Variants in LPXN observed in about 807,000 individuals in gnomAD.
LPXN encodes leupaxin.
LPXN carries 28 observed loss-of-function variants against 45.6 expected under a neutral mutation model. That is an observed-to-expected ratio of 0.61 (90% CI 0.45 to 0.84). The LOEUF (loss-of-function observed/expected upper bound fraction) is 0.84. LPXN is among the 40% of genes least tolerant of loss of function. The pLI is 0.00. For synonymous variants in LPXN, 166 were observed against 169.9 expected (o/e 0.98, Z 0.18); for missense variants, 459 against 475.0 (o/e 0.97, Z 0.31).
chr11:58,531,001 A>G (rs763867598), intron 7 of LPXN, among the ~76,000 whole-genome samples: 3 of 152,238 alleles, frequency 2.0e-5, no homozygotes, highest in Non-Finnish European at 4.4e-5. Flanking sequence ...AGAAAGGAAT[A>G]GCATCAACAT....
At chr11:58,563,177 T>G (rs1001008645) in intron 3 of LPXN, among the ~76,000 whole-genome samples, 1 of 152,234 alleles carries the variant, frequency 6.6e-6, no homozygotes, top group Admixed American at 6.5e-5. Context: ...TGAGGACCTA[T>G]TGTGTGCCAG....
chr11:58,537,376 C>G (rs926373694), intron 7 of LPXN, among the ~76,000 whole-genome samples: 21 of 152,188 alleles, frequency 1.4e-4, no homozygotes, highest in African/African-American at 4.8e-4. Context: ...ATGGATGAAG[C>G]TGGAAACCAT....
chr11:58,534,432 A>AC (rs1853487291), intron 7 of LPXN, among the ~76,000 whole-genome samples: 3 of 152,240 alleles, frequency 2.0e-5, no homozygotes, highest in African/African-American at 7.2e-5. Flanking sequence ...TACTGGGTAA[A>AC]TAAAAAAATT....
chr11:58,547,051 G>A (rs1021109996), intron 7 of LPXN, among the ~76,000 whole-genome samples: 2 of 152,080 alleles, frequency 1.3e-5, no homozygotes, highest in African/African-American at 2.4e-5. Context: ...TTGGATATGT[G>A]TGCCTTGGCA....
At chr11:58,572,550 A>T (rs1854739029) in intron 1 of LPXN, among the ~76,000 whole-genome samples, 3 of 152,180 alleles carry the variant, frequency 2.0e-5, no homozygotes, top group African/African-American at 4.8e-5. Flanking sequence ...TTGAACACTG[A>T]CTGGATATTA....
intron 7 of LPXN, among the ~76,000 whole-genome samples, chr11:58,530,009 T>C (rs1231257722): frequency 6.6e-6 from 1 of 152,208 alleles, no homozygotes; most frequent in African/African-American, 2.4e-5. Context: ...CCGGCCCAGA[T>C]ACTGTGCTTT....
intron 2 of LPXN, among the ~76,000 whole-genome samples, 194 bp from the exon 3 acceptor site, chr11:58,564,395 C>T (rs1944053): frequency 0.044 from 6,629 of 152,232 alleles, 307 homozygotes; most frequent in African/African-American, 0.12. Context: ...AAATTCTAAA[C>T]AGAGTAGTTG....
intron 4 of LPXN, 64 bp from the exon 5 acceptor site, chr11:58,551,296 A>G: frequency 1.4e-6 from 2 of 1,394,188 alleles, no homozygotes; most frequent in Non-Finnish European, 1.9e-6. Context: ...GCATCTTCTA[A>G]TGACTCTATA....
In LPXN at chr11:58,566,826, T is replaced by C. The variant is rs147370505; in HGVS notation, c.172-2625A>G. ...GTCTTGAACATAATGCAATCTAAATTTGGGTTGCTTTACAAAGTGGTTTTT... is the reference window on the plus strand; with the variant it reads ...GTCTTGAACATAATGCAATCTAAATCTGGGTTGCTTTACAAAGTGGTTTTT... On this transcript the variant is annotated intron_variant, in intron 2 of 8. Coordinates refer to ENST00000395074, the MANE Select transcript of LPXN (RefSeq NM_004811.3). 6.6e-3 allele frequency among the ~76,000 whole-genome samples: 1,003 copies of C among 152,252 alleles called. 8 individuals carry two copies. Among genetic ancestry groups the C allele is most frequent in the Non-Finnish European group, 0.011 (771 of 67,982 alleles).
chr11:58,557,783 C>A (rs1854249660), intron 3 of LPXN, among the ~76,000 whole-genome samples: 1 of 152,078 alleles, frequency 6.6e-6, no homozygotes, highest in Non-Finnish European at 1.5e-5. Context: ...CTATAGTAAC[C>A]ATTTTACTAA....
rs368412691 is a variant in LPXN, at chr11:58,527,607, G to T, written c.1008C>A (p.Ile336=). 1 of 1,614,084 alleles carries T rather than the reference G, an allele frequency of 6.2e-7. No homozygotes were observed. The highest frequency in any genetic ancestry group is 1.3e-5 in the African/African-American group (1 of 74,934). The change falls in exon 9 of 9, where the codon ATC becomes ATA. Residue 336 remains isoleucine (I), a synonymous_variant. Coordinates refer to ENST00000395074, the MANE Select transcript of LPXN (RefSeq NM_004811.3). ...GTLCHGCGQP[I]TGRCISAMGY... is the part of the protein sequence containing the mutation. ...CCATGGCACTGATACAACGGCCAGT[G>T]ATGGGCTGCCCACACCCATGGCAGA...
At chr11:58,571,120 T>G (rs1208947448) in intron 1 of LPXN, among the ~76,000 whole-genome samples, 1 of 152,066 alleles carries the variant, frequency 6.6e-6, no homozygotes, top group Non-Finnish European at 1.5e-5. Flanking sequence ...GGCGGGAGGA[T>G]CCCTTGAGCC....
chr11:58,532,873 G>C (rs1362635099), intron 7 of LPXN, among the ~76,000 whole-genome samples: 1 of 152,206 alleles, frequency 6.6e-6, no homozygotes, highest in Non-Finnish European at 1.5e-5. Flanking sequence ...TCTTGCTGCT[G>C]CTCACTCTTT....
At chr11:58,575,538 A>G (rs1393856411) in intron 1 of LPXN, among the ~76,000 whole-genome samples, 1 of 152,218 alleles carries the variant, frequency 6.6e-6, no homozygotes, top group Non-Finnish European at 1.5e-5. Flanking sequence ...GTTAGCACCA[A>G]ACTCTCCATC....
intron 7 of LPXN, among the ~76,000 whole-genome samples, chr11:58,542,396 T>C (rs79570441): frequency 6.6e-6 from 1 of 152,040 alleles, no homozygotes; most frequent in African/African-American, 2.4e-5. Flanking sequence ...TTCCTGGTAA[T>C]AATATTAACT....
At chr11:58,563,615 T>G (rs1294944919) in intron 3 of LPXN, among the ~76,000 whole-genome samples, 1 of 152,258 alleles carries the variant, frequency 6.6e-6, no homozygotes, top group African/African-American at 2.4e-5. Context: ...CAATTCTGCT[T>G]TAGCCAGGAG....
intron 1 of LPXN, among the ~76,000 whole-genome samples, chr11:58,575,124 G>C (rs1311391485): frequency 6.6e-6 from 1 of 152,168 alleles, no homozygotes; most frequent in African/African-American, 2.4e-5. Flanking sequence ...TCCACTGCTG[G>C]TTTTAATTGT....
intron 7 of LPXN, among the ~76,000 whole-genome samples, chr11:58,542,910 G>T (rs1459293838): frequency 6.6e-6 from 1 of 152,100 alleles, no homozygotes; most frequent in Non-Finnish European, 1.5e-5. Flanking sequence ...GTTTCTGCAA[G>T]GTCTTTTTAT....
chr11:58,560,352 T>C (rs1488794727), intron 3 of LPXN, among the ~76,000 whole-genome samples: 1 of 151,520 alleles, frequency 6.6e-6, no homozygotes, highest in Non-Finnish European at 1.5e-5. Flanking sequence ...TTTAAAATTG[T>C]TCTAAAATAT....
Sources: gnomAD v4.1 joint callset for allele counts (sites outside exome capture counted in the v4.1 genomes callset) on GRCh38, gnomAD v4.1.1 for gene constraint, MANE v1.5 for transcripts, NCBI Gene and HGNC (gene_info 2026-07-23, HGNC 2026-07-21) for gene names.